The following LRRD1 variants were observed in gnomAD, a reference collection of about 807,000 sequenced individuals.
LRRD1 encodes the protein leucine-rich repeat and death domain-containing protein 1.
Under a neutral mutation model 69.5 loss-of-function variants are expected in LRRD1, and 49 were observed. The ratio of observed to expected loss-of-function variants is 0.70; its 90% confidence interval spans 0.56 to 0.89. The LOEUF (loss-of-function observed/expected upper bound fraction) is 0.89, where lower values mean the gene tolerates loss of function less well. LRRD1 is among the 40% of genes least tolerant of loss of function. The pLI, the probability that LRRD1 is intolerant of heterozygous loss-of-function variation, is 0.00. For missense variants in LRRD1, 853 were observed against 956.0 expected, an observed-to-expected ratio of 0.89 and a Z score of 1.42; for synonymous variants, 303 against 338.9, an observed-to-expected ratio of 0.89 and a Z score of 1.16.
At chr7:92,174,916 A>T (rs957457977) in intron 1 of LRRD1, among the ~76,000 whole-genome samples, 2 of 151,796 alleles carry the variant, frequency 1.3e-5, no homozygotes, top group Non-Finnish European at 2.9e-5. Context: ...AAAAATAAAA[A>T]AATTAGCTGG....
intron 2 of LRRD1, among the ~76,000 whole-genome samples, chr7:92,160,536 AGGCGGCT>A (rs1201276333): frequency 6.6e-6 from 1 of 152,216 alleles, no homozygotes; most frequent in Non-Finnish European, 1.5e-5. Flanking sequence ...AAGAATGAAT[AGGCGGCT>A]GGGCTCGGTG....
intron 1 of LRRD1, among the ~76,000 whole-genome samples, chr7:92,175,520 C>T (rs1459214816): frequency 2.6e-5 from 4 of 151,986 alleles, no homozygotes; most frequent in Non-Finnish European, 5.9e-5. Context: ...TGGTGGCGCA[C>T]GGCTGTAATC....
At chr7:92,173,374 G>A (rs10228653) in intron 1 of LRRD1, among the ~76,000 whole-genome samples, 3,753 of 152,206 alleles carry the variant, frequency 0.025, 171 homozygotes, top group African/African-American at 0.086. Flanking sequence ...AAGCTTCTGC[G>A]CAGCAAAGGA....
chr7:92,156,644 G>A (rs1429068742), intron 3 of LRRD1, among the ~76,000 whole-genome samples: 1 of 152,080 alleles, frequency 6.6e-6, no homozygotes. Context: ...CTCTGTATAC[G>A]GCAATCTTGC....
intron 2 of LRRD1, among the ~76,000 whole-genome samples, chr7:92,162,489 C>A (rs944818344): frequency 4.6e-5 from 7 of 152,038 alleles, no homozygotes; most frequent in Non-Finnish European, 1.5e-5. Context: ...TCATATAAAT[C>A]AGTAATGTTT....
chr7:92,146,739 G>A (rs1325758542), intron 4 of LRRD1, among the ~76,000 whole-genome samples: 2 of 151,546 alleles, frequency 1.3e-5, no homozygotes, highest in African/African-American at 4.8e-5. Context: ...TGACCAACAT[G>A]AAGAAACCCC....
At chr7:92,174,497 ATATATATATATATTTT>A (rs1563195775) in intron 1 of LRRD1, among the ~76,000 whole-genome samples, 1 of 18,440 alleles carries the variant, frequency 5.4e-5, no homozygotes, top group Non-Finnish European at 1.2e-4. Flanking sequence ...ATATATATAT[ATATATATATATATTTT>A]TTTTTTTTTT....
chr7:92,153,598 G>A (rs1302156492), intron 3 of LRRD1, among the ~76,000 whole-genome samples: 1 of 151,484 alleles, frequency 6.6e-6, no homozygotes, highest in East Asian at 2.0e-4. Context: ...GGGAGGCCAA[G>A]GCGGGTGGAT....
At chr7:92,176,684 C>T (rs754672162) in intron 1 of LRRD1, among the ~76,000 whole-genome samples, 3 of 151,984 alleles carry the variant, frequency 2.0e-5, no homozygotes, top group African/African-American at 2.4e-5. Flanking sequence ...CTGCCTCAGC[C>T]TCCTGAGTAG....
rs1788854723 is a variant in LRRD1, at chr7:92,164,300, G to A, written c.903C>T (p.Phe301=). The change falls in exon 2 of 6, where the codon TTC becomes TTT. Residue 301 remains phenylalanine, a synonymous_variant. Coordinates refer to ENST00000458448, the MANE Select transcript of LRRD1 (RefSeq NM_001161528.2). The part of the protein sequence containing the change: ...QLTTFPKALC[F]LPKLISLDLT... ...GGTCTAGTGAAATTAACTTTGGAAG[G>A]AAGCAGAGAGCTTTAGGAAATGTTG... The A allele has an allele frequency of 2.6e-6, 4 of 1,550,926 alleles. No individual in the cohort carries two copies. Among genetic ancestry groups the A allele is most frequent in the Non-Finnish European group, 3.5e-6 (4 of 1,146,696 alleles).
At chr7:92,165,861 CAAAAAAA>C (rs750215030) in intron 1 of LRRD1, among the ~76,000 whole-genome samples, 2 of 41,710 alleles carry the variant, frequency 4.8e-5, no homozygotes, top group Non-Finnish European at 9.6e-5. Context: ...AACTCCATCT[CAAAAAAA>C]AAAAAAAAAA....
At chr7:92,167,044 A>T (rs1788926233) in intron 1 of LRRD1, among the ~76,000 whole-genome samples, 1 of 152,192 alleles carries the variant, frequency 6.6e-6, no homozygotes, top group Non-Finnish European at 1.5e-5. Flanking sequence ...AATAAATAAG[A>T]ACATTGAGTA....
chr7:92,159,010 A>G lies in LRRD1; in HGVS notation c.2111T>C (p.Leu704Pro). The G allele has an allele frequency of 1.9e-6, 3 of 1,538,858 alleles. No individual in the cohort carries two copies. Among genetic ancestry groups the G allele is most frequent in the Non-Finnish European group, 2.6e-6 (3 of 1,143,424 alleles). ...TGATTATGCTTGACACTCACCACTC[A>G]GGTTTAGTTGCTGCAGATCATTTAA... The part of the protein sequence containing the change: ...LSLNDLQQLN[L>P]SGNNLTALPS... The change falls in exon 3 of 6, where the codon CTG (leucine) becomes CCG (proline). Residue 704 changes from leucine to proline, a missense_variant. This residue lies in a region of LRRD1 where 739 missense variants were observed against 808.0 expected (regional missense o/e 0.91). Transcript: ENST00000458448.
At position 92,174,503 on chromosome 7, in the gene LRRD1, A is replaced by AT. The variant is rs1190934761; in HGVS notation, c.-75+4503dup. Among the ~76,000 whole-genome samples, 81 of 20,118 alleles carry AT rather than the reference A, an allele frequency of 4.0e-3. 4 individuals are homozygous for AT. Among genetic ancestry groups the AT allele is most frequent in the African/African-American group, 0.016 (72 of 4,610 alleles). The allele number at this position is 20,118 out of a possible 152,430, so 13.2% of individuals were successfully genotyped here. A position where few individuals can be genotyped will look rare whatever the true frequency, so the allele number is the denominator to read the frequency against. On this transcript the variant is annotated intron_variant, in intron 1 of 5. Transcript: ENST00000458448. ...TATATATATATATATATATATATAT[A>AT]TATATATTTTTTTTTTTTTTTTTTT...
intron 1 of LRRD1, among the ~76,000 whole-genome samples, chr7:92,176,597 T>C (rs548079848): frequency 2.1e-4 from 32 of 151,584 alleles, no homozygotes; most frequent in African/African-American, 6.8e-4. Context: ...AAAGTCTTGC[T>C]CTGTTGCCCA....
In LRRD1 at chr7:92,164,381, A is replaced by G. The variant is rs1788856848; in HGVS notation, c.822T>C (p.Asp274=). ...TCAAGGTTTTTAAACTAGGCAGAGT[A>G]TCTGGTATATGTCTTAACTTATTTT... is the stretch of plus-strand genomic sequence containing the variant. ...LGKNKLRHIP[D]TLPSLKTLRV... Residue 274 remains aspartate (D), a synonymous_variant, in exon 2 of 6, where the codon GAT becomes GAC. Transcript: ENST00000458448. The G allele has an allele frequency of 1.3e-6, 2 of 1,549,438 alleles. No individual in the cohort carries two copies. The highest frequency in any genetic ancestry group is 1.4e-5 in the African/African-American group (1 of 72,974).
intron 4 of LRRD1, among the ~76,000 whole-genome samples, chr7:92,150,141 T>G (rs982980151): frequency 6.6e-6 from 1 of 152,212 alleles, no homozygotes; most frequent in Non-Finnish European, 1.5e-5. Flanking sequence ...AAGCCTCCAA[T>G]TAAAGCAAAC....
At chr7:92,165,972 A>G (rs1210825797) in intron 1 of LRRD1, among the ~76,000 whole-genome samples, 2 of 152,108 alleles carry the variant, frequency 1.3e-5, no homozygotes, top group African/African-American at 4.8e-5. Context: ...ATATGGTACT[A>G]GTGTCTTGCT....
intron 2 of LRRD1, among the ~76,000 whole-genome samples, chr7:92,162,636 T>C (rs1204275053): frequency 2.0e-5 from 3 of 152,104 alleles, no homozygotes; most frequent in African/African-American, 7.2e-5. Flanking sequence ...GTCTAAAATA[T>C]GAAAAAGGCT....
Sources: allele counts gnomAD v4.1 joint callset (sites outside exome capture counted in the v4.1 genomes callset), GRCh38; gene constraint gnomAD v4.1.1; regional missense constraint gnomAD v4.1.1; transcripts MANE v1.5; gene names NCBI Gene and HGNC (gene_info 2026-07-23, HGNC 2026-07-21).